Variants in SPDYE21 observed in about 807,000 individuals in gnomAD.
SPDYE21 encodes speedy/RINGO cell cycle regulator family member E21.
A neutral mutation model predicts 36.2 loss-of-function variants in SPDYE21; 14 were observed. The ratio of observed to expected loss-of-function variants is 0.39; its 90% CI spans 0.26 to 0.61. The LOEUF (loss-of-function observed/expected upper bound fraction) is 0.61, where lower values mean the gene tolerates loss of function less well. Ranked by LOEUF, SPDYE21 falls within the 20% of genes least tolerant of loss-of-function variation. SPDYE21 has a pLI of 0.55. For synonymous variants in SPDYE21, 58 were observed against 155.1 expected, an observed-to-expected ratio of 0.37 and a Z score of 4.65; for missense variants, 233 against 424.6, an observed-to-expected ratio of 0.55 and a Z score of 3.97.
chr7:67,280,192 G>C (rs1188147148), intron 3 of SPDYE21, among the ~76,000 whole-genome samples, 156 bp downstream of exon 3: 2 of 152,218 alleles, frequency 1.3e-5, no homozygotes, highest in Non-Finnish European at 2.9e-5. Context: ...GGGACACTTA[G>C]GAGACGATAG....
intron 3 of SPDYE21, among the ~76,000 whole-genome samples, chr7:67,281,118 A>AG (rs1802629880): frequency 7.0e-6 from 1 of 142,072 alleles, no homozygotes; most frequent in African/African-American, 2.5e-5. Flanking sequence ...AAAAAAAAAA[A>AG]AAAAAAGGGA....
chr7:67,278,681 C>T lies in SPDYE21; in HGVS notation c.-33C>T, dbSNP rs1017017427. On this transcript the variant is annotated 5_prime_UTR_variant, in exon 2 of 9. Coordinates refer to ENST00000424157, the MANE Select transcript of SPDYE21 (RefSeq NM_001382715.2). ...TAGGCTTGAGAATTGATAACATACT[C>T]TTCTGGATCCTAGCAGTGTCCAGAA... 6.8e-6 allele frequency among the ~76,000 whole-genome samples: 1 copy of T among 146,720 alleles called. No individual in the cohort carries two copies. The highest frequency in any genetic ancestry group is 1.5e-5 in the Non-Finnish European group (1 of 66,474).
chr7:67,280,516 A>G (rs1285741369), intron 3 of SPDYE21, among the ~76,000 whole-genome samples: 192 of 151,560 alleles, frequency 1.3e-3, no homozygotes, highest in African/African-American at 4.5e-3. Flanking sequence ...AACCAGACCA[A>G]TATAGCGAAA....
In SPDYE21 at chr7:67,279,760, G is replaced by C. The variant is rs866847161; in HGVS notation, c.161-58G>C. On this transcript the variant is annotated intron_variant, in intron 2 of 8. Coordinates refer to ENST00000424157, the MANE Select transcript of SPDYE21 (RefSeq NM_001382715.2). ...GGAGAGTGGTTTGGGGTTTTGGGTC[G>C]GGGTCTAAGGTGATCAGATGCAGAA... 6 of 1,591,838 alleles carry C rather than the reference G, an allele frequency of 3.8e-6. 1 individual carries two copies. In the African/African-American group the frequency reaches 6.8e-5, roughly 18 times the overall value.
chr7:67,281,798 T>C (rs3980867), intron 4 of SPDYE21, among the ~76,000 whole-genome samples, 194 bp downstream of exon 4: 5 of 151,284 alleles, frequency 3.3e-5, no homozygotes, highest in African/African-American at 9.7e-5. Context: ...TAAAGGTCAG[T>C]GCTTGGGATA....
chr7:67,283,411 G>A (rs1802675555), intron 5 of SPDYE21, among the ~76,000 whole-genome samples: 2 of 152,208 alleles, frequency 1.3e-5, no homozygotes, highest in African/African-American at 4.8e-5. Context: ...TGGGATCACA[G>A]GCTTGAGCAG....
intron 6 of SPDYE21, among the ~76,000 whole-genome samples, chr7:67,285,442 A>G (rs1337093929): frequency 6.6e-6 from 1 of 151,754 alleles, no homozygotes; most frequent in Non-Finnish European, 1.5e-5. Flanking sequence ...TCAGGCTGGA[A>G]TGGAGTGGCC....
chr7:67,285,689 A>G (rs1202556140), intron 6 of SPDYE21, among the ~76,000 whole-genome samples: 1 of 152,140 alleles, frequency 6.6e-6, no homozygotes. Flanking sequence ...TGCGTCTGGC[A>G]TATTTCTTAT....
At position 67,288,064 on chromosome 7, in the gene SPDYE21, C is replaced by CT. The variant is rs1197664463; in HGVS notation, c.*593dup. Among the ~76,000 whole-genome samples, 1 of 151,282 alleles carries CT rather than the reference C, an allele frequency of 6.6e-6. No homozygotes were observed. Among genetic ancestry groups the CT allele is most frequent in the Non-Finnish European group, 1.5e-5 (1 of 67,806 alleles). On this transcript the variant is annotated 3_prime_UTR_variant, in exon 9 of 9. Coordinates refer to ENST00000424157, the MANE Select transcript of SPDYE21 (RefSeq NM_001382715.2). The stretch of plus-strand genomic sequence containing the variant: ...TTGTACTTTTGAAAACATGCTGTTC[C>CT]TGTAGTTTTTTGATGAGAGTTATAG...
chr7:67,283,495 G>A (rs1230470954), intron 5 of SPDYE21, among the ~76,000 whole-genome samples: 1 of 151,900 alleles, frequency 6.6e-6, no homozygotes, highest in Admixed American at 6.6e-5. Context: ...CTCTTGCAGA[G>A]TGAATGAGTG....
At chr7:67,287,157 T>A (rs549163480) in intron 8 of SPDYE21, among the ~76,000 whole-genome samples, 21 of 152,288 alleles carry the variant, frequency 1.4e-4, no homozygotes, top group African/African-American at 5.1e-4. Context: ...TAGAAACACA[T>A]CTAGCATGGT....
chr7:67,279,735 G>A (rs1802599040), intron 2 of SPDYE21, 83 bp from the exon 3 acceptor site: 10 of 1,592,712 alleles, frequency 6.3e-6, no homozygotes, highest in Non-Finnish European at 8.5e-6. Flanking sequence ...TGGGGAGGAT[G>A]GAGAGTGGTT....
chr7:67,283,745 C>T (rs1443825853), intron 5 of SPDYE21, among the ~76,000 whole-genome samples, 168 bp from the exon 6 acceptor site: 3 of 146,910 alleles, frequency 2.0e-5, no homozygotes, highest in Non-Finnish European at 4.5e-5. Context: ...TTGCATCCGA[C>T]CTTCGAATAC....
At chr7:67,281,099 CAAAAAAAAAAAA>C (rs3972832) in intron 3 of SPDYE21, among the ~76,000 whole-genome samples, 2 of 43,748 alleles carry the variant, frequency 4.6e-5, no homozygotes, top group East Asian at 1.1e-3. Context: ...ACAACAACAA[CAAAAAAAAAAAA>C]AAAAAAAAAA....
At chr7:67,286,815 C>G (rs567508208) in intron 8 of SPDYE21, among the ~76,000 whole-genome samples, 151 bp downstream of exon 8, 2 of 152,150 alleles carry the variant, frequency 1.3e-5, no homozygotes, top group Non-Finnish European at 2.9e-5. Flanking sequence ...CGATGTGGGA[C>G]GCATCTCTAC....
At chr7:67,282,047 C>A (rs1373587002) in intron 4 of SPDYE21, among the ~76,000 whole-genome samples, 1 of 151,948 alleles carries the variant, frequency 6.6e-6, no homozygotes, top group African/African-American at 2.4e-5. Flanking sequence ...ACAGGAGAAT[C>A]GCTTAAACCC....
In SPDYE21 at chr7:67,278,813, C is replaced by T. The variant is rs202224670; in HGVS notation, c.100C>T (p.Arg34Trp). ...CCCCCAGAATGAGCAGAGTCCCCAGCGGAGCACCTCGGGGTACCCCCTCCA... is the reference window on the plus strand; with the variant it reads ...CCCCCAGAATGAGCAGAGTCCCCAGTGGAGCACCTCGGGGTACCCCCTCCA... ...LHPQNEQSPQ[R>W]STSGYPLQEV... Residue 34 changes from arginine (R) to tryptophan (W), a missense_variant, in exon 2 of 9, where the codon CGG becomes TGG. Arg to Trp is a moderately radical substitution (Grantham distance 101, BLOSUM62 -3). Transcript: ENST00000424157. Among the ~76,000 whole-genome samples, 45 of 151,976 alleles carry T rather than the reference C, an allele frequency of 3.0e-4. 1 individual carries two copies. The highest frequency in any genetic ancestry group is 6.8e-3 in the Middle Eastern group (2 of 294).
In SPDYE21 at chr7:67,288,999, A is replaced by T. The variant is rs1470002699; in HGVS notation, c.*1527A>T. 3.0e-5 allele frequency among the ~76,000 whole-genome samples: 4 copies of T among 132,784 alleles called. 1 individual carries two copies. Among genetic ancestry groups the T allele is most frequent in the Admixed American group, 2.2e-4 (3 of 13,452 alleles). The allele number at this position is 132,784 out of a possible 152,430, so 87.1% of individuals were successfully genotyped here. A position where few individuals can be genotyped will look rare whatever the true frequency, so the allele number is the denominator to read the frequency against. On this transcript the variant is annotated 3_prime_UTR_variant, in exon 9 of 9. Transcript: ENST00000424157. ...ATGAACTTTTCTCACCTTCACAGCA[A>T]TTGTGATCATATTGGTCTGGACTGA...
At chr7:67,277,213 A>G (rs1365090061) in intron 1 of SPDYE21, among the ~76,000 whole-genome samples, 151 bp downstream of exon 1, 3 of 152,064 alleles carry the variant, frequency 2.0e-5, no homozygotes, top group Non-Finnish European at 4.4e-5. Context: ...GGCATCCACC[A>G]TGCCTGGCTA....
Sources: allele counts gnomAD v4.1 joint callset (sites outside exome capture counted in the v4.1 genomes callset), GRCh38; gene constraint gnomAD v4.1.1; transcripts MANE v1.5; gene names NCBI Gene and HGNC (gene_info 2026-07-23, HGNC 2026-07-21).